MAP3K9: variants seen among roughly 807,000 people sequenced by gnomAD.
MAP3K9 encodes mitogen-activated protein kinase kinase kinase 9.
Under a neutral mutation model 95.8 loss-of-function variants are expected in MAP3K9, and 46 were observed. The observed-to-expected ratio is 0.48, with a 90% CI of 0.38 to 0.61. The LOEUF (loss-of-function observed/expected upper bound fraction) is 0.61. MAP3K9 is among the 20% of genes least tolerant of loss of function. The pLI is 0.00. For synonymous variants in MAP3K9, 533 were observed against 593.8 expected, an observed-to-expected ratio of 0.90 and a Z score of 1.49; for missense variants, 1,296 against 1,474.3, an observed-to-expected ratio of 0.88 and a Z score of 1.98.
chr14:70,730,072 G>A lies in MAP3K9; in HGVS notation c.*308C>T. On this transcript the variant is annotated 3_prime_UTR_variant, in exon 12 of 12. Coordinates refer to ENST00000554752, the MANE Select transcript of MAP3K9 (RefSeq NM_001284230.2). ...GAGCAGCAGACAGATTTGGCTGAGTGACTCTGCAGGGTCACTCTAAAGGCA... is the reference window on the plus strand; with the variant it reads ...GAGCAGCAGACAGATTTGGCTGAGTAACTCTGCAGGGTCACTCTAAAGGCA... 1 of 326,758 alleles carries A rather than the reference G, an allele frequency of 3.1e-6. No homozygotes were observed. The highest frequency in any genetic ancestry group is 5.7e-6 in the Non-Finnish European group (1 of 175,898). The allele number at this position is 326,758 out of a possible 1,614,324, so 20.2% of individuals were successfully genotyped here.
intron 2 of MAP3K9, among the ~76,000 whole-genome samples, chr14:70,790,225 A>G (rs1402084207): frequency 6.6e-6 from 1 of 152,236 alleles, no homozygotes; most frequent in Non-Finnish European, 1.5e-5. Context: ...TTTCTCCACT[A>G]AACCACTCAG....
chr14:70,738,362 C>T lies in MAP3K9; in HGVS notation c.1727G>A (p.Ser576Asn). The T allele has an allele frequency of 6.2e-7, 1 of 1,614,006 alleles. No homozygotes were observed. Among genetic ancestry groups the T allele is most frequent in the Non-Finnish European group, 8.5e-7 (1 of 1,179,962 alleles). The change falls in exon 8 of 12, where the codon AGC becomes AAC. Residue 576 changes from serine to asparagine, a missense_variant. Transcript: ENST00000554752. ...PGESSKTWGR[S>N]SVVPKEEGEE... ...CCCTTCCTCCTTTGGGACGACTGAG[C>T]TCCTGCCCCAGGTTTTGCTGCTTTC... is the stretch of plus-strand genomic sequence containing the variant.
In MAP3K9 at chr14:70,742,563, G is replaced by A. The variant is rs1301058346; in HGVS notation, c.1355C>T (p.Thr452Met). The stretch of plus-strand genomic sequence containing the variant: ...GTTCTTCTGCTGCAGTGCAGCCCGC[G>A]TCAGCTCCTCCTCCCAGGTGCGAAG... ...KELRTWEEEL[T>M]RAALQQKNQE... The change falls in exon 6 of 12, where the codon ACG becomes ATG. Residue 452 changes from threonine to methionine, a missense_variant. Physicochemically the swap from Thr to Met is moderately conservative, Grantham distance 81 (BLOSUM62 -1). Around this residue, in one of 5 missense-constraint regions of MAP3K9, gnomAD observed 377 missense variants for 417.1 expected, o/e 0.90. Coordinates refer to ENST00000554752, the MANE Select transcript of MAP3K9 (RefSeq NM_001284230.2). 3.7e-6 allele frequency: 6 copies of A among 1,614,108 alleles called. No homozygotes were observed. Among genetic ancestry groups the A allele is most frequent in the East Asian group, 2.2e-5 (1 of 44,880 alleles).
At chr14:70,733,392 G>T in intron 10 of MAP3K9, 50 bp from the exon 11 acceptor site, 1 of 828,778 alleles carries the variant, frequency 1.2e-6, no homozygotes, top group Non-Finnish European at 1.9e-6. Context: ...AAATGAGGTG[G>T]CAGGAATAAG....
chr14:70,730,954 C>T (rs1331484168), intron 11 of MAP3K9, 90 bp from the exon 12 acceptor site: 7 of 1,339,980 alleles, frequency 5.2e-6, no homozygotes, highest in Non-Finnish European at 7.0e-6. Context: ...CCACCATATC[C>T]CTACGCAATC....
intron 2 of MAP3K9, among the ~76,000 whole-genome samples, chr14:70,790,934 A>C (rs2054800774): frequency 6.6e-6 from 1 of 152,212 alleles, no homozygotes; most frequent in Admixed American, 6.5e-5. Flanking sequence ...CCAAGAGATG[A>C]GGAGGAAAGG....
chr14:70,759,377 G>C (rs1472311846), intron 3 of MAP3K9, among the ~76,000 whole-genome samples: 2 of 152,186 alleles, frequency 1.3e-5, no homozygotes, highest in Admixed American at 1.3e-4. Flanking sequence ...GGGAGGCAGA[G>C]GTGGCAGTGG....
chr14:70,731,174 A>G (rs532351304), intron 11 of MAP3K9, among the ~76,000 whole-genome samples: 1 of 152,126 alleles, frequency 6.6e-6, no homozygotes, highest in African/African-American at 2.4e-5. Flanking sequence ...GGTGGAGTAC[A>G]GTGGCTCATG....
rs181131694 is a variant in MAP3K9 at position 70,766,122 on chromosome 14, T to C, written c.821-4940A>G. Among the ~76,000 whole-genome samples the C allele has an allele frequency of 1.3e-4, 20 of 152,150 alleles. No homozygotes were observed. In the East Asian group the frequency reaches 2.7e-3, roughly 21 times the overall value. On this transcript the variant is annotated intron_variant, in intron 2 of 11. Transcript: ENST00000554752. ...AGCAGAAGAATGGTGGTGCCCCTAA[T>C]TGGGAAGTTGAGAGAAAAAGCCCAT...
At chr14:70,761,632 T>C in intron 2 of MAP3K9, among the ~76,000 whole-genome samples, 1 of 152,172 alleles carries the variant, frequency 6.6e-6, no homozygotes, top group Non-Finnish European at 1.5e-5. Context: ...GGTGTGGTAG[T>C]GCACGCCAGT....
chr14:70,808,300 C>T (rs2055014066), intron 1 of MAP3K9, among the ~76,000 whole-genome samples: 1 of 152,208 alleles, frequency 6.6e-6, no homozygotes, highest in Non-Finnish European at 1.5e-5. Context: ...ACACCCCCAT[C>T]TCTTTGAAAG....
At chr14:70,741,495 C>T (rs879072640) in intron 6 of MAP3K9, among the ~76,000 whole-genome samples, 3 of 152,202 alleles carry the variant, frequency 2.0e-5, no homozygotes, top group Admixed American at 2.0e-4. Flanking sequence ...CGGCTCCCTC[C>T]ATGGATATAT....
At chr14:70,783,336 G>A in intron 2 of MAP3K9, 1 of 985,002 alleles carries the variant, frequency 1.0e-6, no homozygotes, top group Non-Finnish European at 1.2e-6. Flanking sequence ...AGCATCCAAA[G>A]GTTTCATATG....
At chr14:70,733,669 G>A in intron 10 of MAP3K9, 1 of 713,998 alleles carries the variant, frequency 1.4e-6, no homozygotes, top group East Asian at 2.7e-5. Flanking sequence ...CTGCATGGCT[G>A]GTGAAGCACA....
intron 3 of MAP3K9, among the ~76,000 whole-genome samples, chr14:70,757,529 GCTAT>G (rs1297604345): frequency 2.0e-5 from 3 of 149,762 alleles, no homozygotes; most frequent in Admixed American, 1.3e-4. Flanking sequence ...CAAAATCCCA[GCTAT>G]CTATTTTGTA....
chr14:70,787,235 G>A (rs940934371), intron 2 of MAP3K9, among the ~76,000 whole-genome samples: 2 of 152,134 alleles, frequency 1.3e-5, no homozygotes, highest in African/African-American at 2.4e-5. Context: ...CTGGCTGGGC[G>A]CAGTGGCTCA....
rs113335018 is a variant in MAP3K9, at chr14:70,747,550, G to A, written c.1326+1279C>T. On this transcript the variant is annotated intron_variant, in intron 5 of 11. Coordinates refer to ENST00000554752, the MANE Select transcript of MAP3K9 (RefSeq NM_001284230.2). ...CTAATATAATATTACAACGAATATC[G>A]GTTTTTGGAATCAGAAGACCCACAT... 2.6e-4 allele frequency among the ~76,000 whole-genome samples: 39 copies of A among 152,216 alleles called. 1 individual carries two copies. Among genetic ancestry groups the A allele is most frequent in the East Asian group, 2.5e-3 (13 of 5,186 alleles).
At chr14:70,792,206 T>G (rs528807186) in intron 2 of MAP3K9, among the ~76,000 whole-genome samples, 123 of 152,360 alleles carry the variant, frequency 8.1e-4, no homozygotes, top group Non-Finnish European at 1.4e-3. Context: ...CTAGCTAACC[T>G]CTGGCATAGC....
chr14:70,800,847 G>C lies in MAP3K9; in HGVS notation c.640C>G (p.Pro214Ala), dbSNP rs937786253. The C allele has an allele frequency of 6.2e-7, 1 of 1,614,002 alleles. No individual in the cohort carries two copies. The highest frequency in any genetic ancestry group is 1.3e-5 in the African/African-American group (1 of 74,886). Residue 214 changes from proline (P) to alanine (A), a missense_variant, in exon 2 of 12, where the codon CCC becomes GCC. By Grantham distance (27) the Pro-to-Ala change is conservative. This residue lies in a region of MAP3K9 where 338 missense variants were observed against 363.4 expected (regional missense o/e 0.93). Coordinates refer to ENST00000554752, the MANE Select transcript of MAP3K9 (RefSeq NM_001284230.2). ...IALRGVCLKE[P>A]NLCLVMEFAR... ...AACTCCATGACCAAGCAGAGGTTGG[G>C]CTCCTTCAGACATACCCCTCTTAGG...
Sources: allele counts gnomAD v4.1 joint callset (sites outside exome capture counted in the v4.1 genomes callset), GRCh38; gene constraint gnomAD v4.1.1; regional missense constraint gnomAD v4.1.1; transcripts MANE v1.5; gene names NCBI Gene and HGNC (gene_info 2026-07-23, HGNC 2026-07-21).